The following DLGAP2 variants were observed in gnomAD, a reference collection of about 807,000 sequenced individuals.
The protein encoded by DLGAP2 is DLG associated protein 2, also known as disks large-associated protein 2.
Under a neutral mutation model 100.3 loss-of-function variants are expected in DLGAP2, and 26 were observed. That is an observed-to-expected ratio of 0.26 (90% CI 0.19 to 0.36). The LOEUF (loss-of-function observed/expected upper bound fraction) is 0.36, where lower values mean the gene tolerates loss of function less well. Ranked by LOEUF, DLGAP2 falls within the 10% of genes least tolerant of loss-of-function variation. DLGAP2 has a pLI of 1.00. For missense variants in DLGAP2, 1,858 were observed against 1,453.2 expected, an observed-to-expected ratio of 1.28 and a Z score of -4.53; for synonymous variants, 886 against 630.1, an observed-to-expected ratio of 1.41 and a Z score of -6.08.
chr8:1,535,223 C>T (rs1215201496), intron 4 of DLGAP2, among the ~76,000 whole-genome samples: 1 of 152,218 alleles, frequency 6.6e-6, no homozygotes, highest in Non-Finnish European at 1.5e-5. Context: ...TGGGCTGTAG[C>T]CCTGGTCATC....
At chr8:1,321,706 C>G (rs1800905830) in intron 3 of DLGAP2, among the ~76,000 whole-genome samples, 1 of 152,176 alleles carries the variant, frequency 6.6e-6, no homozygotes, top group Non-Finnish European at 1.5e-5. Context: ...TGGATTTTCT[C>G]TAGAACTCGG....
At chr8:1,649,949 T>A (rs1798126092) in intron 8 of DLGAP2, among the ~76,000 whole-genome samples, 1 of 152,136 alleles carries the variant, frequency 6.6e-6, no homozygotes, top group Non-Finnish European at 1.5e-5. Context: ...AAGAAAAAGA[T>A]TCATTAGCTA....
chr8:923,605 C>T (rs192359127), intron 2 of DLGAP2, among the ~76,000 whole-genome samples: 3 of 152,224 alleles, frequency 2.0e-5, no homozygotes, highest in East Asian at 1.9e-4. Flanking sequence ...AAGGGTATGG[C>T]GTAGAATTCC....
intron 2 of DLGAP2, among the ~76,000 whole-genome samples, chr8:970,095 C>G (rs1408950224): frequency 6.6e-6 from 1 of 152,022 alleles, no homozygotes; most frequent in Non-Finnish European, 1.5e-5. Context: ...TTATCCTGCT[C>G]ATTAACCTAA....
At chr8:1,112,403 G>A (rs545846351) in intron 2 of DLGAP2, among the ~76,000 whole-genome samples, 1 of 152,096 alleles carries the variant, frequency 6.6e-6, no homozygotes, top group Non-Finnish European at 1.5e-5. Context: ...ACTACACCCG[G>A]CTAATTTTTT....
At chr8:1,548,487 C>G (rs963080704) in intron 4 of DLGAP2, 139 bp from the exon 5 acceptor site, 6 of 364,410 alleles carry the variant, frequency 1.6e-5, no homozygotes, top group Admixed American at 4.9e-5. Flanking sequence ...AAAAAAAACC[C>G]ACAAATCTGC....
In DLGAP2 at chr8:1,352,293, CGTG is replaced by C. The variant is rs1563100520; in HGVS notation, c.106+93411_106+93413del. Among the ~76,000 whole-genome samples, 75 of 39,018 alleles carry C rather than the reference CGTG, an allele frequency of 1.9e-3. 1 individual carries two copies. Among genetic ancestry groups the C allele is most frequent in the African/African-American group, 4.5e-3 (50 of 11,166 alleles). 25.6% of individuals were successfully genotyped at this position (39,018 alleles called of 152,430 possible). On this transcript the variant is annotated intron_variant, in intron 3 of 14. Coordinates refer to ENST00000637795, the MANE Select transcript of DLGAP2 (RefSeq NM_001346810.2). The stretch of plus-strand genomic sequence containing the variant: ...GTGGAAAGGACGTGCGGGTCCTGAG[CGTG>C]TGTGTGGAAAGGCCGTGCGGGTCCT...
At chr8:941,512 C>T (rs1444555615) in intron 2 of DLGAP2, among the ~76,000 whole-genome samples, 3 of 152,192 alleles carry the variant, frequency 2.0e-5, no homozygotes, top group Admixed American at 6.5e-5. Flanking sequence ...CCTTTAAAAA[C>T]CGTGGAAGAG....
intron 1 of DLGAP2, among the ~76,000 whole-genome samples, chr8:849,217 A>G (rs2055511): frequency 0.14 from 21,068 of 148,748 alleles, 2,087 homozygotes; most frequent in East Asian, 0.53. Context: ...GTATAGGAAC[A>G]CGTGGTGTGT....
intron 7 of DLGAP2, among the ~76,000 whole-genome samples, chr8:1,628,366 G>T (rs545685402): frequency 6.9e-6 from 1 of 144,192 alleles, no homozygotes; most frequent in African/African-American, 2.8e-5. Context: ...TTAAGAGCTT[G>T]AGCCAACCTC....
chr8:1,617,338 C>T (rs1797188685), intron 6 of DLGAP2, among the ~76,000 whole-genome samples: 1 of 152,170 alleles, frequency 6.6e-6, no homozygotes, highest in Admixed American at 6.5e-5. Context: ...ATTTATGCTC[C>T]CACCAGCAGT....
At chr8:1,036,626 G>A (rs1195059319) in intron 2 of DLGAP2, among the ~76,000 whole-genome samples, 1 of 152,146 alleles carries the variant, frequency 6.6e-6, no homozygotes, top group Admixed American at 6.5e-5. Context: ...GCAGGCTATA[G>A]AGACCAGTGC....
intron 3 of DLGAP2, among the ~76,000 whole-genome samples, chr8:1,275,342 G>C (rs552115143): frequency 1.3e-5 from 2 of 149,074 alleles, no homozygotes; most frequent in Admixed American, 6.7e-5. Flanking sequence ...TCTCTAGCTC[G>C]AGCAGGGAAT....
intron 2 of DLGAP2, among the ~76,000 whole-genome samples, chr8:964,600 C>T (rs556801853): frequency 3.3e-5 from 5 of 152,366 alleles, no homozygotes; most frequent in African/African-American, 9.6e-5. Context: ...AGCCAGAGAG[C>T]GTGGCAAGTG....
rs549685132 is a variant in DLGAP2, at chr8:1,173,160, TG to T, written c.74-85690del. Reference sequence around the variant, plus strand: ...CTAGAGGTCCACTCCAGACCCAGTTTGCCTGGGTATCGGCAGCGGTGTCCGC... The same window carrying T: ...CTAGAGGTCCACTCCAGACCCAGTTTCCTGGGTATCGGCAGCGGTGTCCGC... On this transcript the variant is annotated intron_variant, in intron 2 of 14. Coordinates refer to ENST00000637795, the MANE Select transcript of DLGAP2 (RefSeq NM_001346810.2). Among the ~76,000 whole-genome samples the T allele has an allele frequency of 3.3e-5, 5 of 152,348 alleles. No homozygotes were observed. The South Asian group carries it at 1.0e-3, about 32-fold the overall frequency.
Position 1,378,649 on chromosome 8 carries a change from G to A in DLGAP2, c.106+119766G>A, listed in dbSNP as rs551433827. 3.2e-4 allele frequency among the ~76,000 whole-genome samples: 48 copies of A among 152,294 alleles called. No homozygotes were observed. In the South Asian group the frequency reaches 5.8e-3, roughly 18 times the overall value. On this transcript the variant is annotated intron_variant, in intron 3 of 14. Transcript: ENST00000637795. ...TGCGCACACCTGGCCTCATCTGTCC[G>A]TCCTGCACACATGGGTTGGGCGGGG...
intron 3 of DLGAP2, among the ~76,000 whole-genome samples, chr8:1,360,381 C>T (rs939972887): frequency 5.9e-5 from 9 of 152,092 alleles, no homozygotes; most frequent in Admixed American, 6.5e-5. Context: ...AGGCTTTGCG[C>T]TGCGTCTGTC....
At chr8:1,206,446 A>C (rs80311220) in intron 2 of DLGAP2, among the ~76,000 whole-genome samples, 84 of 42,688 alleles carry the variant, frequency 2.0e-3, no homozygotes, top group African/African-American at 5.5e-3. Context: ...CCATCCGTGG[A>C]CTGGGGTAGA....
chr8:740,060 G>C (rs972890082), intron 1 of DLGAP2: 17 of 152,212 alleles, frequency 1.1e-4, no homozygotes, highest in African/African-American at 4.1e-4. Context: ...GTGATCGCCC[G>C]TGTTCTTGGG....
Sources: gnomAD v4.1 joint callset for allele counts (sites outside exome capture counted in the v4.1 genomes callset) on GRCh38, gnomAD v4.1.1 for gene constraint, MANE v1.5 for transcripts, NCBI Gene and HGNC (gene_info 2026-07-23, HGNC 2026-07-21) for gene names.